The following BMP2K variants were observed in gnomAD, a reference collection of about 807,000 sequenced individuals.
BMP2K encodes BMP-2-inducible protein kinase.
A neutral mutation model predicts 116.0 loss-of-function variants in BMP2K; 74 were observed. That is an observed-to-expected ratio of 0.64 (90% CI 0.53 to 0.77). BMP2K has a LOEUF of 0.77. Ranked by LOEUF, BMP2K falls within the 30% of genes least tolerant of loss-of-function variation. The probability of loss-of-function intolerance (pLI) is 0.00; values close to 1 mark genes in which losing one functional copy is unlikely to be tolerated. For synonymous variants in BMP2K, 486 were observed against 502.5 expected (o/e 0.97, Z 0.44); for missense variants, 1,365 against 1,403.6 (o/e 0.97, Z 0.44).
At chr4:78,803,638 C>G (rs1197461587) in intron 1 of BMP2K, among the ~76,000 whole-genome samples, 3 of 152,178 alleles carry the variant, frequency 2.0e-5, no homozygotes, top group Non-Finnish European at 4.4e-5. Flanking sequence ...CTCAGCCTCC[C>G]AAATTGCTGG....
intron 15 of BMP2K, among the ~76,000 whole-genome samples, chr4:78,900,902 T>C (rs1344474716): frequency 6.6e-6 from 1 of 152,226 alleles, no homozygotes; most frequent in Admixed American, 6.5e-5. Context: ...TCATGAATTA[T>C]ATTTGCCTTT....
chr4:78,813,613 C>T (rs1729194514), intron 1 of BMP2K, among the ~76,000 whole-genome samples: 1 of 152,170 alleles, frequency 6.6e-6, no homozygotes. Context: ...AGGGCCTTTG[C>T]ACTTCTGTTC....
Position 78,870,997 on chromosome 4 carries a change from GCAGCAGCAGCAGCACCACCACCAC to G in BMP2K, c.1449_1472del (p.Gln483_His490del), listed in dbSNP as rs745576770. 14 of 1,599,706 alleles carry G rather than the reference GCAGCAGCAGCAGCACCACCACCAC, an allele frequency of 8.8e-6. No individual in the cohort carries two copies. Among genetic ancestry groups the G allele is most frequent in the East Asian group, 4.5e-5 (2 of 44,646 alleles). On this transcript the variant is annotated inframe_deletion, in exon 11 of 16. Coordinates refer to ENST00000502613, the MANE Select transcript of BMP2K (RefSeq NM_198892.2). Reference sequence around the variant, plus strand: ...AGCAACAGCAACAGCAGCAGCAGCAGCAGCAGCAGCAGCACCACCACCACCACCACCACCACCTACTTCAAGATG... The same window carrying G: ...AGCAACAGCAACAGCAGCAGCAGCAGCACCACCACCACCTACTTCAAGATG...
At chr4:78,844,812 G>GTATAT in intron 4 of BMP2K, 116 bp from the exon 5 acceptor site, 1 of 840,362 alleles carries the variant, frequency 1.2e-6, no homozygotes, top group South Asian at 1.6e-5. Context: ...ATACCCTTCG[G>GTATAT]TGTTTATTGT....
intron 1 of BMP2K, among the ~76,000 whole-genome samples, chr4:78,801,722 A>T (rs1208653870): frequency 6.6e-6 from 1 of 152,202 alleles, no homozygotes; most frequent in Non-Finnish European, 1.5e-5. Context: ...TTATCCCAGT[A>T]AGACTAAAGT....
At chr4:78,823,356 G>A (rs1296216128) in intron 1 of BMP2K, among the ~76,000 whole-genome samples, 2 of 151,742 alleles carry the variant, frequency 1.3e-5, no homozygotes, top group African/African-American at 4.8e-5. Flanking sequence ...ACATAACTTG[G>A]TTGTGCATCA....
chr4:78,898,653 A>C (rs1234106964), intron 15 of BMP2K, among the ~76,000 whole-genome samples: 2 of 150,550 alleles, frequency 1.3e-5, no homozygotes, highest in Non-Finnish European at 3.0e-5. Context: ...GCGAGACTCC[A>C]TCTCAAAAAA....
Position 78,911,371 on chromosome 4 carries a change from A to G in BMP2K, c.2824A>G (p.Thr942Ala), listed in dbSNP as rs767505912. ...CTCCACTCCATTTCAGCCCTTCCTCACATCAACAAGTAAAAGTGAAAGCAA... is the reference window on the plus strand; with the variant it reads ...CTCCACTCCATTTCAGCCCTTCCTCGCATCAACAAGTAAAAGTGAAAGCAA... ...FGSTPFQPFL[T>A]STSKSESNED... is the part of the protein sequence containing the mutation. Residue 942 changes from threonine (T) to alanine (A), a missense_variant, in exon 16 of 16, where the codon ACA becomes GCA. Coordinates refer to ENST00000502613, the MANE Select transcript of BMP2K (RefSeq NM_198892.2). The G allele has an allele frequency of 2.4e-5, 39 of 1,613,890 alleles. No individual in the cohort carries two copies. The highest frequency in any genetic ancestry group is 3.0e-5 in the Non-Finnish European group (35 of 1,179,896).
intron 1 of BMP2K, 42 bp downstream of exon 1, chr4:78,776,763 G>A (rs1727268630): frequency 1.6e-6 from 2 of 1,242,636 alleles, no homozygotes; most frequent in South Asian, 7.7e-5. Flanking sequence ...GGTGAGGGAG[G>A]GTTGGGGTGT....
intron 2 of BMP2K, among the ~76,000 whole-genome samples, chr4:78,830,443 A>C (rs896079200): frequency 1.3e-5 from 2 of 152,226 alleles, no homozygotes; most frequent in African/African-American, 4.8e-5. Context: ...ATTGGTTTCA[A>C]CTTAAAGTCA....
rs1353353541 is a variant in BMP2K, at chr4:78,851,043, A to T, written c.870A>T (p.Ile290=). 1.2e-6 allele frequency: 2 copies of T among 1,609,896 alleles called. No individual in the cohort carries two copies. The highest frequency in any genetic ancestry group is 1.7e-5 in the Admixed American group (1 of 59,648). Residue 290 remains isoleucine, a synonymous_variant, in exon 7 of 16, where the codon ATA becomes ATT. Coordinates refer to ENST00000502613, the MANE Select transcript of BMP2K (RefSeq NM_198892.2). ...IPDNSRYSRN[I]HCLIRFMLEP... ...ACAATTCTCGTTACTCCCGTAACAT[A>T]CATTGCTTAATAAGTAAGTATTTGG...
At chr4:78,807,067 G>A (rs1184254938) in intron 1 of BMP2K, among the ~76,000 whole-genome samples, 1 of 151,954 alleles carries the variant, frequency 6.6e-6, no homozygotes, top group Non-Finnish European at 1.5e-5. Flanking sequence ...GGCCAGGCTG[G>A]TCTTGAACTC....
intron 1 of BMP2K, among the ~76,000 whole-genome samples, chr4:78,800,359 T>C (rs1346602902): frequency 6.6e-6 from 1 of 152,186 alleles, no homozygotes; most frequent in Non-Finnish European, 1.5e-5. Flanking sequence ...AGGGCTAGTA[T>C]AGTGATACAG....
intron 9 of BMP2K, among the ~76,000 whole-genome samples, chr4:78,862,222 A>C (rs1194395891): frequency 6.6e-6 from 1 of 152,084 alleles, no homozygotes; most frequent in Non-Finnish European, 1.5e-5. Flanking sequence ...GATGTAGACA[A>C]TTTAAACACA....
intron 15 of BMP2K, among the ~76,000 whole-genome samples, chr4:78,908,071 GAAGTCA>G (rs1048545479): frequency 5.9e-5 from 9 of 151,860 alleles, no homozygotes; most frequent in Non-Finnish European, 1.3e-4. Context: ...GTGTAGGGAA[GAAGTCA>G]AACTTGAGAA....
At chr4:78,821,136 CT>C (rs555755338) in intron 1 of BMP2K, among the ~76,000 whole-genome samples, 1 of 152,074 alleles carries the variant, frequency 6.6e-6, no homozygotes, top group Non-Finnish European at 1.5e-5. Flanking sequence ...CTTCAAAGTT[CT>C]TTTTTTCTGT....
intron 1 of BMP2K, among the ~76,000 whole-genome samples, chr4:78,795,053 CAA>C (rs1728186814): frequency 6.6e-6 from 1 of 152,192 alleles, no homozygotes; most frequent in South Asian, 2.1e-4. Flanking sequence ...CTTCCTAAAA[CAA>C]TGAAATTTCA....
rs1041134828 is a variant in BMP2K, at chr4:78,779,627, TAGTG to T, written c.178+2910_178+2913del. Among the ~76,000 whole-genome samples the T allele has an allele frequency of 2.6e-5, 4 of 152,332 alleles. No homozygotes were observed. In the South Asian group the frequency reaches 8.3e-4, roughly 32 times the overall value. On this transcript the variant is annotated intron_variant, in intron 1 of 15. Transcript: ENST00000502613. ...TGATTTTGGGGATACAAATAAATGT[TAGTG>T]AGTAGATGAATTTGTAAATATAGTA...
chr4:78,825,764 T>G (rs1442736476), intron 1 of BMP2K, among the ~76,000 whole-genome samples: 3 of 152,246 alleles, frequency 2.0e-5, no homozygotes, highest in Non-Finnish European at 2.9e-5. Flanking sequence ...TTCACTATAC[T>G]ACATAAAAGG....
Sources: gnomAD v4.1 joint callset for allele counts (sites outside exome capture counted in the v4.1 genomes callset) on GRCh38, gnomAD v4.1.1 for gene constraint, MANE v1.5 for transcripts, NCBI Gene and HGNC (gene_info 2026-07-23, HGNC 2026-07-21) for gene names.